CACNA1I: variants seen among roughly 807,000 people sequenced by gnomAD.
The protein encoded by CACNA1I is calcium voltage-gated channel subunit alpha1 I, also known as voltage-dependent T-type calcium channel subunit alpha-1I.
In CACNA1I, 74 loss-of-function variants were observed where a neutral mutation model predicts 201.6. The ratio of observed to expected loss-of-function variants is 0.37; its 90% CI spans 0.30 to 0.45. The LOEUF (loss-of-function observed/expected upper bound fraction) is 0.45. Among genes scored for constraint, CACNA1I ranks in the 20% least tolerant of loss-of-function variants. CACNA1I has a pLI of 1.00. For synonymous variants in CACNA1I, 1,431 were observed against 1,345.2 expected (o/e 1.06, Z -1.40); for missense variants, 2,346 against 3,138.1 (o/e 0.75, Z 6.03).
chr22:39,597,567 T>C (rs1250391240), intron 1 of CACNA1I, among the ~76,000 whole-genome samples: 1 of 152,192 alleles, frequency 6.6e-6, no homozygotes, highest in Non-Finnish European at 1.5e-5. Flanking sequence ...CCCCACCCCA[T>C]GTGGTGCAGG....
At chr22:39,623,799 A>G (rs1308223537) in intron 4 of CACNA1I, among the ~76,000 whole-genome samples, 1 of 135,004 alleles carries the variant, frequency 7.4e-6, no homozygotes, top group Non-Finnish European at 1.6e-5. Flanking sequence ...TATGTCTGTG[A>G]AAGGGTGTGT....
Position 39,659,224 on chromosome 22 carries a change from G to C in CACNA1I, c.2330+108G>C. 1 of 1,363,976 alleles carries C rather than the reference G, an allele frequency of 7.3e-7. No homozygotes were observed. Among genetic ancestry groups the C allele is most frequent in the Non-Finnish European group, 1.0e-6 (1 of 990,258 alleles). The allele number at this position is 1,363,976 out of a possible 1,614,324, so 84.5% of individuals were successfully genotyped here. On this transcript the variant is annotated intron_variant, in intron 12 of 36. Coordinates refer to ENST00000402142, the MANE Select transcript of CACNA1I (RefSeq NM_021096.4). This position sits in a 1 kb window ranked among gnomAD's most constrained non-coding sequence, Gnocchi z 4.3. ...TCTCTGGACAAAGCCACCTGGACCTGGGTGTGAAGCCTGACACTGTTCCTC... is the reference window on the plus strand; with the variant it reads ...TCTCTGGACAAAGCCACCTGGACCTCGGTGTGAAGCCTGACACTGTTCCTC...
chr22:39,572,168 T>G (rs5757733), intron 1 of CACNA1I, among the ~76,000 whole-genome samples: 91,466 of 151,786 alleles, frequency 0.6, 28,475 homozygotes, highest in East Asian at 0.96. Context: ...TGAAGCAGGG[T>G]CTGGAGAGAT....
chr22:39,677,850 T>C lies in CACNA1I; in HGVS notation c.4934-137T>C. 2.0e-6 allele frequency: 2 copies of C among 982,034 alleles called. No homozygotes were observed. Among genetic ancestry groups the C allele is most frequent in the Non-Finnish European group, 2.9e-6 (2 of 686,246 alleles). The allele number at this position is 982,034 out of a possible 1,614,324, so 60.8% of individuals were successfully genotyped here. On this transcript the variant is annotated intron_variant, in intron 30 of 36. Transcript: ENST00000402142. This position sits in a 1 kb window ranked among gnomAD's most constrained non-coding sequence, Gnocchi z 4.8. ...TGCCATCTCCCCGAGCCTCAGTTTA[T>C]CTGTGGGCTGGGCACAGTCTGCAGG... is the stretch of plus-strand genomic sequence containing the variant.
intron 16 of CACNA1I, 140 bp from the exon 17 acceptor site, chr22:39,661,825 G>C: frequency 1.7e-6 from 1 of 573,378 alleles, no homozygotes; most frequent in Non-Finnish European, 3.0e-6. Context: ...AGGAGCTCTA[G>C]GGTCAAGCCC....
At chr22:39,606,833 A>T (rs1260605817) in intron 3 of CACNA1I, among the ~76,000 whole-genome samples, 3 of 152,210 alleles carry the variant, frequency 2.0e-5, no homozygotes, top group African/African-American at 7.2e-5. Context: ...TGTCTGGCCA[A>T]TCCCAACTCT....
chr22:39,628,755 C>A (rs753593267), intron 4 of CACNA1I, among the ~76,000 whole-genome samples: 2 of 152,132 alleles, frequency 1.3e-5, no homozygotes, highest in South Asian at 4.1e-4. Context: ...CTCTCCCAGC[C>A]GCCCAGCCCC....
chr22:39,620,740 T>C (rs185740655), intron 4 of CACNA1I, among the ~76,000 whole-genome samples: 11 of 128,676 alleles, frequency 8.5e-5, no homozygotes, highest in Admixed American at 8.1e-4. Flanking sequence ...TTTGTTGTTG[T>C]TGTTTGTTTG....
intron 10 of CACNA1I, among the ~76,000 whole-genome samples, chr22:39,651,435 CTTAA>C (rs75543999): frequency 0.019 from 2,962 of 152,344 alleles, 36 homozygotes; most frequent in Non-Finnish European, 0.031. Flanking sequence ...GCCATTCCAG[CTTAA>C]TTAAAAAGGT....
At chr22:39,604,321 C>T (rs954224605) in intron 3 of CACNA1I, among the ~76,000 whole-genome samples, 6 of 152,094 alleles carry the variant, frequency 3.9e-5, no homozygotes, top group African/African-American at 1.4e-4. Flanking sequence ...GGTGAGCTCT[C>T]AGTTTGACAT....
chr22:39,665,696 G>A lies in CACNA1I; in HGVS notation c.3978+72G>A, dbSNP rs559887956. On this transcript the variant is annotated intron_variant, in intron 22 of 36. Transcript: ENST00000402142. This position sits in a 1 kb window ranked among gnomAD's most constrained non-coding sequence, Gnocchi z 5.5. Reference sequence around the variant, plus strand: ...AAAAGGAAGTCTCAGACAGCCAGGGGAGAGACTCCACATTCCAACCTCATG... The same window carrying A: ...AAAAGGAAGTCTCAGACAGCCAGGGAAGAGACTCCACATTCCAACCTCATG... 213 of 1,579,954 alleles carry A rather than the reference G, an allele frequency of 1.3e-4. No homozygotes were observed. The African/African-American group carries it at 2.5e-3, about 19-fold the overall frequency.
chr22:39,683,524 A>T (rs954367896), intron 35 of CACNA1I, among the ~76,000 whole-genome samples: 2 of 152,184 alleles, frequency 1.3e-5, no homozygotes, highest in East Asian at 3.8e-4. Context: ...GTGGAATGCA[A>T]TCTCATTCCC....
At chr22:39,621,816 C>G (rs926262234) in intron 4 of CACNA1I, among the ~76,000 whole-genome samples, 1 of 152,040 alleles carries the variant, frequency 6.6e-6, no homozygotes, top group Non-Finnish European at 1.5e-5. Context: ...CCCCTTCCCA[C>G]TGCCCTAGGG....
chr22:39,575,922 G>A (rs891295651), intron 1 of CACNA1I, among the ~76,000 whole-genome samples: 4 of 152,012 alleles, frequency 2.6e-5, no homozygotes, highest in Non-Finnish European at 4.4e-5. Context: ...TTACAGAAGC[G>A]CACCACCATG....
rs746803793 is a variant in CACNA1I at position 39,646,563 on chromosome 22, T to C, written c.1150-6T>C. On this transcript the variant is annotated splice_region_variant and splice_polypyrimidine_tract_variant and intron_variant, in intron 7 of 36. Coordinates refer to ENST00000402142, the MANE Select transcript of CACNA1I (RefSeq NM_021096.4). Reference sequence around the variant, plus strand: ...TGTCCCTGTCCTCTCCTCCCGTTGGTCACAGGTGGGCTCCTTCTTCATGAT... The same window carrying C: ...TGTCCCTGTCCTCTCCTCCCGTTGGCCACAGGTGGGCTCCTTCTTCATGAT... 4.5e-6 allele frequency: 7 copies of C among 1,539,316 alleles called. No homozygotes were observed. In the South Asian group the frequency reaches 7.4e-5, roughly 16 times the overall value.
rs182206382 is a variant in CACNA1I at position 39,675,358 on chromosome 22, C to T, written c.4854+1325C>T. ...ATGGTGAGTGTGTGGCTCGGCCTCC[C>T]TGGCCTCCTTGCTCCCTCTCCCCTT... On this transcript the variant is annotated intron_variant, in intron 29 of 36. Coordinates refer to ENST00000402142, the MANE Select transcript of CACNA1I (RefSeq NM_021096.4). Among the ~76,000 whole-genome samples, 259 of 152,166 alleles carry T rather than the reference C, an allele frequency of 1.7e-3. 2 individuals are homozygous for T. Among genetic ancestry groups the T allele is most frequent in the Admixed American group, 0.015 (229 of 15,296 alleles).
At chr22:39,671,838 A>G (rs1173418140) in intron 26 of CACNA1I, among the ~76,000 whole-genome samples, 1 of 152,206 alleles carries the variant, frequency 6.6e-6, no homozygotes, top group Non-Finnish European at 1.5e-5. Context: ...TTTAATTTGC[A>G]TACCAGCTTT....
At chr22:39,593,850 G>A (rs1269386613) in intron 1 of CACNA1I, among the ~76,000 whole-genome samples, 1 of 152,198 alleles carries the variant, frequency 6.6e-6, no homozygotes, top group Non-Finnish European at 1.5e-5. Flanking sequence ...TTGTAAATGG[G>A]GCTTATAAAA....
chr22:39,600,017 G>T (rs563690624), intron 2 of CACNA1I, among the ~76,000 whole-genome samples: 319 of 152,342 alleles, frequency 2.1e-3, no homozygotes, highest in Non-Finnish European at 3.8e-3. Context: ...GCTTTGGGGT[G>T]AGACCCACCG....
Sources: allele counts gnomAD v4.1 joint callset (sites outside exome capture counted in the v4.1 genomes callset), GRCh38; gene constraint gnomAD v4.1.1; non-coding constraint Gnocchi (gnomAD v3.1); transcripts MANE v1.5; gene names NCBI Gene and HGNC (gene_info 2026-07-23, HGNC 2026-07-21).